MSRA: variants seen among roughly 807,000 people sequenced by gnomAD.
The protein encoded by MSRA is methionine sulfoxide reductase A.
MSRA carries 54 observed loss-of-function variants against 31.3 expected under a neutral mutation model. That is an observed-to-expected ratio of 1.73 (90% CI 1.39 to 2.17). MSRA has a LOEUF of 2.17. MSRA is among the 30% of genes most tolerant of loss of function. The pLI, the probability that MSRA is intolerant of heterozygous loss-of-function variation, is 0.00. For synonymous variants in MSRA, 169 were observed against 116.5 expected, an observed-to-expected ratio of 1.45 and a Z score of -2.90; for missense variants, 507 against 300.9, an observed-to-expected ratio of 1.69 and a Z score of -5.07.
chr8:10,171,007 G>T (rs149025732), intron 1 of MSRA, among the ~76,000 whole-genome samples: 2 of 152,158 alleles, frequency 1.3e-5, no homozygotes. Flanking sequence ...CTCTTGATCC[G>T]AGGGGAAAGC....
chr8:10,223,836 G>C (rs1046599560), intron 2 of MSRA, among the ~76,000 whole-genome samples: 1 of 152,108 alleles, frequency 6.6e-6, no homozygotes. Flanking sequence ...GGTATAAAAC[G>C]TGAAGACCCA....
At chr8:10,129,205 T>G (rs1350009755) in intron 1 of MSRA, among the ~76,000 whole-genome samples, 3 of 152,152 alleles carry the variant, frequency 2.0e-5, no homozygotes, top group African/African-American at 7.2e-5. Flanking sequence ...GGTTCTTTGC[T>G]GTCTTGGTCA....
At chr8:10,163,662 C>T (rs1447649142) in intron 1 of MSRA, among the ~76,000 whole-genome samples, 1 of 152,248 alleles carries the variant, frequency 6.6e-6, no homozygotes, top group Non-Finnish European at 1.5e-5. Context: ...CAGAATTCTA[C>T]TGCACGATAA....
intron 5 of MSRA, among the ~76,000 whole-genome samples, chr8:10,416,966 C>G (rs1264211585): frequency 6.6e-6 from 1 of 152,200 alleles, no homozygotes; most frequent in South Asian, 2.1e-4. Context: ...TGTGATTTAC[C>G]TCGAGGGTGC....
rs150953674 is a variant in MSRA at position 10,062,436 on chromosome 8, T to C, written c.142+7778T>C. 9.8e-5 allele frequency among the ~76,000 whole-genome samples: 15 copies of C among 152,288 alleles called. No individual in the cohort carries two copies. The East Asian group carries it at 2.9e-3, about 29-fold the overall frequency. On this transcript the variant is annotated intron_variant, in intron 1 of 5. Coordinates refer to ENST00000317173, the MANE Select transcript of MSRA (RefSeq NM_012331.5). ...TTGAGAGCATCACAATATTCATCGATATGTAGCACTACACAATGAACTGAG... is the reference window on the plus strand; with the variant it reads ...TTGAGAGCATCACAATATTCATCGACATGTAGCACTACACAATGAACTGAG...
At chr8:10,355,763 TG>T (rs1281960697) in intron 5 of MSRA, among the ~76,000 whole-genome samples, 1 of 152,066 alleles carries the variant, frequency 6.6e-6, no homozygotes, top group Non-Finnish European at 1.5e-5. Flanking sequence ...ATGCAGGTGG[TG>T]GCCAGGGGTC....
chr8:10,235,950 G>A (rs1326536103), intron 2 of MSRA, among the ~76,000 whole-genome samples: 1 of 152,152 alleles, frequency 6.6e-6, no homozygotes, highest in Non-Finnish European at 1.5e-5. Context: ...TGCTCTATGA[G>A]TAGGTAAGAT....
At chr8:10,178,355 C>T (rs1273028420) in intron 1 of MSRA, among the ~76,000 whole-genome samples, 1 of 151,852 alleles carries the variant, frequency 6.6e-6, no homozygotes, top group Non-Finnish European at 1.5e-5. Context: ...TTCGGGAGGC[C>T]TAGGAGGGGA....
chr8:10,241,012 A>C lies in MSRA; in HGVS notation c.212-4092A>C, dbSNP rs117537393. 6.5e-3 allele frequency among the ~76,000 whole-genome samples: 985 copies of C among 152,088 alleles called. 4 individuals are homozygous for C. The highest frequency in any genetic ancestry group is 0.01 in the Non-Finnish European group (698 of 67,996). On this transcript the variant is annotated intron_variant, in intron 2 of 5. Transcript: ENST00000317173. ...TGCCCTCTGGTCCTGCTTGTGCATGATTCCCGATGTACAACTTCCTCTTTA... is the reference window on the plus strand; with the variant it reads ...TGCCCTCTGGTCCTGCTTGTGCATGCTTCCCGATGTACAACTTCCTCTTTA...
chr8:10,099,596 T>C (rs1799402659), intron 1 of MSRA, among the ~76,000 whole-genome samples: 1 of 152,192 alleles, frequency 6.6e-6, no homozygotes. Context: ...ACCAGAGTAT[T>C]AGCTTGTTGA....
chr8:10,300,262 T>G lies in MSRA; in HGVS notation c.332-1272T>G, dbSNP rs189399282. 2.4e-4 allele frequency among the ~76,000 whole-genome samples: 36 copies of G among 152,182 alleles called. 1 individual carries two copies. The East Asian group carries it at 6.8e-3, about 29-fold the overall frequency. On this transcript the variant is annotated intron_variant, in intron 3 of 5. Transcript: ENST00000317173. ...ATTTGTATTTTCTTTTTTCTTTCTT[T>G]TTTTTTTCTTTGAGATGGAGTCTCA...
At chr8:10,145,594 T>G (rs1014350103) in intron 1 of MSRA, among the ~76,000 whole-genome samples, 1 of 152,226 alleles carries the variant, frequency 6.6e-6, no homozygotes, top group African/African-American at 2.4e-5. Flanking sequence ...GTACTTTTGA[T>G]GTTTATACAT....
intron 2 of MSRA, among the ~76,000 whole-genome samples, chr8:10,215,807 G>A (rs887728623): frequency 3.3e-5 from 5 of 152,080 alleles, no homozygotes; most frequent in African/African-American, 1.2e-4. Flanking sequence ...TTCACTTTTT[G>A]CAGTAGTGTA....
intron 3 of MSRA, among the ~76,000 whole-genome samples, chr8:10,295,029 A>G (rs1800456658): frequency 6.6e-6 from 1 of 152,144 alleles, no homozygotes. Flanking sequence ...TTGGCGATAG[A>G]TGAGTTTATT....
chr8:10,066,116 G>A (rs1428040463), intron 1 of MSRA, among the ~76,000 whole-genome samples: 2 of 151,910 alleles, frequency 1.3e-5, no homozygotes, highest in African/African-American at 2.4e-5. Context: ...TCCGTCTCCC[G>A]GATTCAAGCG....
intron 1 of MSRA, among the ~76,000 whole-genome samples, chr8:10,116,983 C>T (rs1014398317): frequency 6.6e-6 from 1 of 152,064 alleles, no homozygotes; most frequent in Admixed American, 6.6e-5. Context: ...TTATTTGGGC[C>T]ATATTGAGGC....
At chr8:10,077,415 G>C (rs1469059902) in intron 1 of MSRA, among the ~76,000 whole-genome samples, 1 of 149,854 alleles carries the variant, frequency 6.7e-6, no homozygotes, top group African/African-American at 2.4e-5. Context: ...AGATGTTGAA[G>C]AAAATCTAAA....
chr8:10,316,527 C>CCTCT (rs139421344), intron 4 of MSRA, among the ~76,000 whole-genome samples: 4,419 of 112,324 alleles, frequency 0.039, 385 homozygotes, highest in Non-Finnish European at 0.052. Flanking sequence ...TTTGATGATC[C>CCTCT]CTCTCTCTCT....
In MSRA at chr8:10,184,704, A is replaced by G. The variant is rs558626999; in HGVS notation, c.143-23129A>G. Among the ~76,000 whole-genome samples, 77 of 152,282 alleles carry G rather than the reference A, an allele frequency of 5.1e-4. No individual in the cohort carries two copies. The South Asian group carries it at 0.013, about 27-fold the overall frequency. On this transcript the variant is annotated intron_variant, in intron 1 of 5. Coordinates refer to ENST00000317173, the MANE Select transcript of MSRA (RefSeq NM_012331.5). Reference sequence around the variant, plus strand: ...CTGATCTACTTAACAACTTGTGTAGACAGGTAGAGCAGGCATGACCTAAAT... The same window carrying G: ...CTGATCTACTTAACAACTTGTGTAGGCAGGTAGAGCAGGCATGACCTAAAT...
Sources: allele counts gnomAD v4.1 joint callset (sites outside exome capture counted in the v4.1 genomes callset), GRCh38; gene constraint gnomAD v4.1.1; transcripts MANE v1.5; gene names NCBI Gene and HGNC (gene_info 2026-07-23, HGNC 2026-07-21).